Variants in VPS4A observed in about 807,000 individuals in gnomAD.
VPS4A encodes the protein vacuolar protein sorting-associated protein 4A.
VPS4A carries 20 observed loss-of-function variants against 52.3 expected under a neutral mutation model. The ratio of observed to expected loss-of-function variants is 0.38; its 90% CI spans 0.27 to 0.56. The LOEUF is 0.56. VPS4A is among the 20% of genes least tolerant of loss of function. The pLI is 0.72. For synonymous variants in VPS4A, 293 were observed against 227.7 expected, an observed-to-expected ratio of 1.29 and a Z score of -2.58; for missense variants, 419 against 575.9, an observed-to-expected ratio of 0.73 and a Z score of 2.79.
chr16:69,322,578 A>T lies in VPS4A; in HGVS notation c.1090A>T (p.Thr364Ser). The T allele has an allele frequency of 1.9e-6, 3 of 1,613,390 alleles. No individual in the cohort carries two copies. The highest frequency in any genetic ancestry group is 2.5e-6 in the Non-Finnish European group (3 of 1,179,636). Reference protein sequence around the residue: ...HFKKVCGPSRTNPSMMIDDLL... With the variant: ...HFKKVCGPSRSNPSMMIDDLL... ...GTTTCAGGTCTGTGGCCCCTCTCGC[A>T]CCAACCCCAGCATGATGATTGATGA... The change falls in exon 10 of 11, where the codon ACC becomes TCC. Residue 364 changes from threonine (T) to serine (S), a missense_variant. Physicochemically the swap from Thr to Ser is moderately conservative, Grantham distance 58. Transcript: ENST00000254950.
intron 5 of VPS4A, 40 bp from the exon 6 acceptor site, chr16:69,319,347 C>G (rs1178550126): frequency 6.2e-7 from 1 of 1,609,024 alleles, no homozygotes; most frequent in African/African-American, 1.3e-5. Flanking sequence ...TATTCCTTTC[C>G]CCAGTCAGGA....
At chr16:69,311,879 C>T (rs1965381860) in intron 1 of VPS4A, among the ~76,000 whole-genome samples, 2 of 152,062 alleles carry the variant, frequency 1.3e-5, no homozygotes, top group African/African-American at 4.8e-5. Flanking sequence ...GACAGCGATG[C>T]TCGCTCCCTC....
chr16:69,316,474 T>C (rs182762741), intron 3 of VPS4A, 102 bp downstream of exon 3: 32 of 1,492,638 alleles, frequency 2.1e-5, no homozygotes, highest in Non-Finnish European at 2.7e-5. Flanking sequence ...GGAATGGTCC[T>C]CATAGTGCAG....
chr16:69,324,519 C>G lies in VPS4A; in HGVS notation c.*210C>G, dbSNP rs1171885724. On this transcript the variant is annotated 3_prime_UTR_variant, in exon 11 of 11. Transcript: ENST00000254950. ...GCCCTGGGGCACACAGTGGACACTG[C>G]TCTTCCTACTTCCTCCTCTCCTGGA... 4.5e-5 allele frequency: 26 copies of G among 572,074 alleles called. No individual in the cohort carries two copies. The highest frequency in any genetic ancestry group is 7.8e-5 in the Non-Finnish European group (25 of 318,816). The allele number at this position is 572,074 out of a possible 1,614,324, so 35.4% of individuals were successfully genotyped here.
At position 69,311,527 on chromosome 16, in the gene VPS4A, C is replaced by T. The variant is rs1965377414; in HGVS notation, c.16C>T (p.Leu6Phe). The T allele has an allele frequency of 2.2e-6, 3 of 1,347,926 alleles. No homozygotes were observed. Among genetic ancestry groups the T allele is most frequent in the Non-Finnish European group, 2.9e-6 (3 of 1,036,818 alleles). The allele number at this position is 1,347,926 out of a possible 1,614,324, so 83.5% of individuals were successfully genotyped here. A position where few individuals can be genotyped will look rare whatever the true frequency, so the allele number is the denominator to read the frequency against. MTTST[L>F]QKAIDLVTKA... The stretch of plus-strand genomic sequence containing the variant: ...AGGAGATGAAATGACAACGTCAACC[C>T]TCCAGGTACTTCGTGCGGCCCGGCC... The change falls in exon 1 of 11, where the codon CTC (leucine) becomes TTC (phenylalanine). Residue 6 changes from leucine to phenylalanine, a missense_variant. By Grantham distance (22) the Leu-to-Phe change is conservative (BLOSUM62 0). This residue lies in a region of VPS4A where 131 missense variants were observed against 165.4 expected (regional missense o/e 0.79). Transcript: ENST00000254950.
Position 69,321,211 on chromosome 16 carries a change from G to A in VPS4A, c.1012G>A (p.Val338Met), listed in dbSNP as rs765629568. 6 of 1,568,468 alleles carry A rather than the reference G, an allele frequency of 3.8e-6. No homozygotes were observed. The highest frequency in any genetic ancestry group is 2.4e-5 in the East Asian group (1 of 42,028). ...GYSGADISIIVRDSLMQPVRK... is the reference protein window; with the variant it reads ...GYSGADISIIMRDSLMQPVRK... ...CTCGGGCGCGGACATCAGCATCATCGTGCGGGACTCTCTCATGCAGCCCGT... is the reference window on the plus strand; with the variant it reads ...CTCGGGCGCGGACATCAGCATCATCATGCGGGACTCTCTCATGCAGCCCGT... The change falls in exon 9 of 11, where the codon GTG (valine) becomes ATG (methionine). Residue 338 changes from valine to methionine, a missense_variant. Around this residue, in one of 3 missense-constraint regions of VPS4A, gnomAD observed 185 missense variants for 200.2 expected, o/e 0.92. Coordinates refer to ENST00000254950, the MANE Select transcript of VPS4A (RefSeq NM_013245.3). This position sits in a 1 kb window ranked among gnomAD's most constrained non-coding sequence, Gnocchi z 4.5.
intron 10 of VPS4A, 66 bp downstream of exon 10, chr16:69,322,766 A>G: frequency 1.9e-6 from 3 of 1,544,686 alleles, no homozygotes; most frequent in Non-Finnish European, 2.6e-6. Flanking sequence ...GTTTGGGTCC[A>G]GAATAAAAAC....
chr16:69,319,550 C>T lies in VPS4A; in HGVS notation c.620+7C>T, dbSNP rs1412251158. ...GGCTGGGGGAGAGTGAAAAGTAAGT[C>T]GGCCACCAGGCCATGCTCTGCCAGC... On this transcript the variant is annotated splice_region_variant and intron_variant, in intron 6 of 10. Transcript: ENST00000254950. 3.1e-6 allele frequency: 5 copies of T among 1,608,892 alleles called. No individual in the cohort carries two copies. The highest frequency in any genetic ancestry group is 2.7e-5 in the African/African-American group (2 of 74,920).
At chr16:69,314,740 A>T (rs1597211017) in intron 1 of VPS4A, among the ~76,000 whole-genome samples, 1 of 151,988 alleles carries the variant, frequency 6.6e-6, no homozygotes. Flanking sequence ...TTCCTTGCAG[A>T]TAAGAGAGGG....
intron 6 of VPS4A, 141 bp downstream of exon 6, chr16:69,319,684 C>T (rs16958736): frequency 0.1 from 116,572 of 1,159,402 alleles, 6,594 homozygotes; most frequent in African/African-American, 0.22. Context: ...GCTAGCTTAT[C>T]GGCTGGGACA....
chr16:69,312,500 C>G lies in VPS4A; in HGVS notation c.21+968C>G, dbSNP rs369257530. On this transcript the variant is annotated intron_variant, in intron 1 of 10. Coordinates refer to ENST00000254950, the MANE Select transcript of VPS4A (RefSeq NM_013245.3). ...TTAAGAGTCCATAGCCAGATCCCAC[C>G]GTACCACCAGCAGAAGCCGCAGATC... Among the ~76,000 whole-genome samples, 5 of 152,280 alleles carry G rather than the reference C, an allele frequency of 3.3e-5. No individual in the cohort carries two copies. In the South Asian group the frequency reaches 1.0e-3, roughly 32 times the overall value.
rs1965586951 is a variant in VPS4A at position 69,325,862 on chromosome 16, C to T, written c.*1553C>T. ...CAGCGGCCACTAAGTAGAGGCTGCT[C>T]TGTACAGAAGGGGTCCCCCATCCCC... On this transcript the variant is annotated 3_prime_UTR_variant, in exon 11 of 11. Transcript: ENST00000254950. The T allele has an allele frequency of 1.3e-5, 2 of 152,202 alleles. No homozygotes were observed. Among genetic ancestry groups the T allele is most frequent in the Admixed American group, 1.3e-4 (2 of 15,282 alleles). 9.4% of individuals were successfully genotyped at this position (152,202 alleles called of 1,614,324 possible). A position where few individuals can be genotyped will look rare whatever the true frequency, so the allele number is the denominator to read the frequency against.
At chr16:69,313,748 T>G (rs974002657) in intron 1 of VPS4A, among the ~76,000 whole-genome samples, 2 of 152,236 alleles carry the variant, frequency 1.3e-5, no homozygotes, top group Admixed American at 1.3e-4. Flanking sequence ...AGAGATTATC[T>G]GGCTGGCAAA....
rs552360598 is a variant in VPS4A, at chr16:69,312,074, C to T, written c.21+542C>T. Among the ~76,000 whole-genome samples the T allele has an allele frequency of 5.9e-5, 9 of 152,354 alleles. No individual in the cohort carries two copies. In the South Asian group the frequency reaches 1.7e-3, roughly 28 times the overall value. On this transcript the variant is annotated intron_variant, in intron 1 of 10. Coordinates refer to ENST00000254950, the MANE Select transcript of VPS4A (RefSeq NM_013245.3). ...GCCACCTGGGTGAACAACTGACCCA[C>T]CCTCTAGGTGCTGTCAGTCCTGCGG...
intron 1 of VPS4A, among the ~76,000 whole-genome samples, chr16:69,315,102 T>C (rs1965420010): frequency 1.3e-5 from 2 of 152,078 alleles, no homozygotes; most frequent in South Asian, 4.1e-4. Context: ...GATGTAGTGG[T>C]GGGCATCTAT....
rs1276957104 is a variant in VPS4A, at chr16:69,319,556, C to G, written c.620+13C>G. ...GGGAGAGTGAAAAGTAAGTCGGCCA[C>G]CAGGCCATGCTCTGCCAGCAGCCCC... On this transcript the variant is annotated intron_variant, in intron 6 of 10. Transcript: ENST00000254950. 1 of 1,606,324 alleles carries G rather than the reference C, an allele frequency of 6.2e-7. No homozygotes were observed. Among genetic ancestry groups the G allele is most frequent in the East Asian group, 2.2e-5 (1 of 44,474 alleles).
At chr16:69,322,755 G>C in intron 10 of VPS4A, 55 bp downstream of exon 10, 1 of 1,559,172 alleles carries the variant, frequency 6.4e-7, no homozygotes, top group South Asian at 1.2e-5. Flanking sequence ...GAAAATTGAG[G>C]GTTTGGGTCC....
At position 69,320,313 on chromosome 16, in the gene VPS4A, C is replaced by T. The variant is rs1475195877; in HGVS notation, c.769+24C>T. On this transcript the variant is annotated intron_variant, in intron 7 of 10. Transcript: ENST00000254950. The surrounding 1 kb of genome is among the most constrained non-coding windows in gnomAD (Gnocchi z 4.2). ...GGGTGTGTGCCGGGCCCAGGGCCCCCTTGGTTCTTGTTGCACCTGAAGCCA... is the reference window on the plus strand; with the variant it reads ...GGGTGTGTGCCGGGCCCAGGGCCCCTTTGGTTCTTGTTGCACCTGAAGCCA... 2 of 1,605,538 alleles carry T rather than the reference C, an allele frequency of 1.2e-6. No homozygotes were observed. The highest frequency in any genetic ancestry group is 2.2e-5 in the East Asian group (1 of 44,624).
intron 10 of VPS4A, 101 bp from the exon 11 acceptor site, chr16:69,324,107 G>A: frequency 1.6e-6 from 2 of 1,251,998 alleles, no homozygotes; most frequent in Non-Finnish European, 2.2e-6. Flanking sequence ...GGCCTTGAAG[G>A]CAAACCTCTT....
Sources: gnomAD v4.1 joint callset for allele counts (sites outside exome capture counted in the v4.1 genomes callset) on GRCh38, gnomAD v4.1.1 for gene constraint, gnomAD v4.1.1 regional missense constraint, Gnocchi (gnomAD v3.1) non-coding constraint, MANE v1.5 for transcripts, NCBI Gene and HGNC (gene_info 2026-07-23, HGNC 2026-07-21) for gene names.